Variants in PLA2G4A observed in about 807,000 individuals in gnomAD.
The protein encoded by PLA2G4A is phospholipase A2 group IVA, also known as cytosolic phospholipase A2.
A neutral mutation model predicts 81.9 loss-of-function variants in PLA2G4A; 40 were observed. The observed-to-expected ratio is 0.49, with a 90% CI of 0.38 to 0.64. PLA2G4A has a LOEUF of 0.64. Among genes scored for constraint, PLA2G4A ranks in the 30% least tolerant of loss-of-function variants. PLA2G4A has a pLI of 0.00. For synonymous variants in PLA2G4A, 302 were observed against 296.9 expected (o/e 1.02, Z -0.18); for missense variants, 715 against 905.1 (o/e 0.79, Z 2.69).
intron 3 of PLA2G4A, among the ~76,000 whole-genome samples, chr1:186,877,053 A>C (rs1418693400): frequency 6.6e-6 from 1 of 152,090 alleles, no homozygotes; most frequent in Non-Finnish European, 1.5e-5. Flanking sequence ...TATTTAGGGA[A>C]ACATTATCTA....
Position 186,950,699 on chromosome 1 carries a change from A to T in PLA2G4A, c.1307A>T (p.Asp436Val). The T allele has an allele frequency of 6.2e-7, 1 of 1,605,248 alleles. No individual in the cohort carries two copies. Among genetic ancestry groups the T allele is most frequent in the Non-Finnish European group, 8.5e-7 (1 of 1,172,154 alleles). ...TKHIVSNDSS[D>V]SDDESHEPKG... ...CATATTGTGAGTAATGATAGCTCGG[A>T]CAGTGATGATGAATCACACGAACCC... The change falls in exon 13 of 18, where the codon GAC becomes GTC. Residue 436 changes from aspartate to valine, a missense_variant. Transcript: ENST00000367466.
At chr1:186,939,318 A>G in intron 9 of PLA2G4A, 88 bp downstream of exon 9, 2 of 592,022 alleles carry the variant, frequency 3.4e-6, no homozygotes, top group South Asian at 5.4e-5. Context: ...AAAATGTAAT[A>G]CATTTTATAA....
At chr1:186,864,598 T>C (rs966990261) in intron 2 of PLA2G4A, among the ~76,000 whole-genome samples, 2 of 151,800 alleles carry the variant, frequency 1.3e-5, no homozygotes, top group Admixed American at 6.6e-5. Flanking sequence ...TTGAGTGTCT[T>C]CTTTTGAGAA....
intron 3 of PLA2G4A, among the ~76,000 whole-genome samples, chr1:186,879,293 C>T (rs544056366): frequency 2.0e-5 from 3 of 151,978 alleles, no homozygotes; most frequent in Admixed American, 6.6e-5. Flanking sequence ...ATTTTAACTT[C>T]GAAATGAAAT....
At chr1:186,912,337 G>A (rs1240003871) in intron 7 of PLA2G4A, among the ~76,000 whole-genome samples, 9 of 152,070 alleles carry the variant, frequency 5.9e-5, no homozygotes, top group East Asian at 1.9e-4. Context: ...CATAGTTTAC[G>A]CTAGGCTCAC....
At chr1:186,930,624 C>T (rs969219336) in intron 7 of PLA2G4A, among the ~76,000 whole-genome samples, 6 of 152,078 alleles carry the variant, frequency 3.9e-5, no homozygotes, top group African/African-American at 1.4e-4. Context: ...TTCTAAACTA[C>T]GTGATTTGTA....
chr1:186,863,550 T>C (rs892586492), intron 2 of PLA2G4A, among the ~76,000 whole-genome samples: 11 of 152,232 alleles, frequency 7.2e-5, no homozygotes, highest in Middle Eastern at 6.8e-3. Context: ...CTATTAACCA[T>C]AGTCATCCTG....
At chr1:186,968,195 G>T (rs1003645436) in intron 15 of PLA2G4A, among the ~76,000 whole-genome samples, 1 of 152,054 alleles carries the variant, frequency 6.6e-6, no homozygotes, top group African/African-American at 2.4e-5. Flanking sequence ...CCACCTTAAT[G>T]AGTTGGAGGA....
chr1:186,984,803 A>G (rs1014297626), intron 17 of PLA2G4A, among the ~76,000 whole-genome samples: 5 of 152,140 alleles, frequency 3.3e-5, no homozygotes, highest in Admixed American at 3.3e-4. Context: ...ACTGTTTTAG[A>G]AACTAGGGGT....
intron 14 of PLA2G4A, among the ~76,000 whole-genome samples, chr1:186,960,269 G>A (rs1209468720): frequency 6.6e-6 from 1 of 152,132 alleles, no homozygotes; most frequent in Non-Finnish European, 1.5e-5. Context: ...AAAGACATGA[G>A]TTAATTTAGG....
rs200799672 is a variant in PLA2G4A at position 186,977,728 on chromosome 1, T to C, written c.1900T>C (p.Cys634Arg). The C allele has an allele frequency of 2.5e-6, 4 of 1,613,768 alleles. No individual in the cohort carries two copies. The highest frequency in any genetic ancestry group is 3.4e-6 in the Non-Finnish European group (4 of 1,179,792). Residue 634 changes from cysteine to arginine, a missense_variant, in exon 16 of 18, where the codon TGC becomes CGC. Physicochemically the swap from Cys to Arg is radical, Grantham distance 180. Coordinates refer to ENST00000367466, the MANE Select transcript of PLA2G4A (RefSeq NM_024420.3). ...CAAGAATCCTGATATGGAGAAAGAT[T>C]GCCCAACCATCATCCACTTTGTTCT... ...KPKNPDMEKD[C>R]PTIIHFVLAN... is the part of the protein sequence containing the mutation.
chr1:186,977,798 G>C lies in PLA2G4A; in HGVS notation c.1960+10G>C. Reference sequence around the variant, plus strand: ...AAGTACAGGGCTCCAGGTAAGTAGGGAGTAAGCTGTATTCCATAAAATAGA... The same window carrying C: ...AAGTACAGGGCTCCAGGTAAGTAGGCAGTAAGCTGTATTCCATAAAATAGA... On this transcript the variant is annotated intron_variant, in intron 16 of 17. Transcript: ENST00000367466. 1 of 1,554,574 alleles carries C rather than the reference G, an allele frequency of 6.4e-7. No individual in the cohort carries two copies. Among genetic ancestry groups the C allele is most frequent in the East Asian group, 2.2e-5 (1 of 44,576 alleles).
At chr1:186,836,604 T>A (rs1295885256) in intron 1 of PLA2G4A, among the ~76,000 whole-genome samples, 1 of 152,192 alleles carries the variant, frequency 6.6e-6, no homozygotes, top group African/African-American at 2.4e-5. Context: ...TACTCTTCTT[T>A]TTCACTTACC....
intron 14 of PLA2G4A, among the ~76,000 whole-genome samples, chr1:186,963,634 G>A (rs565110726): frequency 6.6e-6 from 1 of 152,040 alleles, no homozygotes; most frequent in Non-Finnish European, 1.5e-5. Flanking sequence ...ATTCTGGGCC[G>A]TATGAATTGC....
intron 11 of PLA2G4A, 22 bp downstream of exon 11, chr1:186,946,796 A>G (rs1487784814): frequency 1.9e-6 from 3 of 1,602,024 alleles, no homozygotes; most frequent in East Asian, 2.2e-5. Context: ...AAATAAAAAT[A>G]TATCATTGAC....
At chr1:186,977,811 TC>T (rs770648888) in intron 16 of PLA2G4A, 23 bp downstream of exon 16, 2 of 1,483,688 alleles carry the variant, frequency 1.3e-6, no homozygotes, top group South Asian at 1.1e-5. Flanking sequence ...TAAGCTGTAT[TC>T]CATAAAATAG....
intron 10 of PLA2G4A, among the ~76,000 whole-genome samples, chr1:186,941,100 G>A (rs1045371558): frequency 3.0e-5 from 4 of 131,804 alleles, no homozygotes; most frequent in Admixed American, 8.5e-5. Flanking sequence ...GCCATAGAGC[G>A]AGACTCCGTC....
At chr1:186,837,733 T>A (rs1307546289) in intron 1 of PLA2G4A, among the ~76,000 whole-genome samples, 1 of 39,276 alleles carries the variant, frequency 2.5e-5, no homozygotes, top group Admixed American at 2.9e-4. Context: ...AGAGACTCCG[T>A]CTCAAAAAAA....
chr1:186,974,564 C>A (rs1451611503), intron 15 of PLA2G4A, among the ~76,000 whole-genome samples: 1 of 152,154 alleles, frequency 6.6e-6, no homozygotes, highest in Non-Finnish European at 1.5e-5. Context: ...AATTTTTATC[C>A]CACAGAAAGT....
Sources: allele counts gnomAD v4.1 joint callset (sites outside exome capture counted in the v4.1 genomes callset), GRCh38; gene constraint gnomAD v4.1.1; transcripts MANE v1.5; gene names NCBI Gene and HGNC (gene_info 2026-07-23, HGNC 2026-07-21).